C16orf46: variants seen among roughly 807,000 people sequenced by gnomAD.
C16orf46 encodes chromosome 16 open reading frame 46.
In C16orf46, 7 loss-of-function variants were observed where a neutral mutation model predicts 5.5. The observed-to-expected ratio is 1.28, with a 90% CI of 0.73 to 2.40. The LOEUF (loss-of-function observed/expected upper bound fraction) is 2.40, where lower values mean the gene tolerates loss of function less well. C16orf46 is among the 30% of genes most tolerant of loss of function. The pLI is 0.00. For missense variants in C16orf46, 614 were observed against 476.0 expected (o/e 1.29, Z -2.70); for synonymous variants, 200 against 184.1 (o/e 1.09, Z -0.70).
rs1162225117 is a variant in C16orf46, at chr16:81,063,749, C to T, written c.207G>A (p.Glu69=). The change falls in exon 3 of 4, where the codon GAG becomes GAA. Residue 69 remains glutamate (E), a synonymous_variant. Transcript: ENST00000299578. ...KEFIIGTGWE[E]AVQGWGRTSP... is the part of the protein sequence containing the mutation. The stretch of plus-strand genomic sequence containing the variant: ...TGTGACTCAGAAAGATACTCACTGC[C>T]TCTTCCCATCCAGTTCCAATAATAA... 5.0e-6 allele frequency: 8 copies of T among 1,611,078 alleles called. No individual in the cohort carries two copies. Among genetic ancestry groups the T allele is most frequent in the Non-Finnish European group, 5.9e-6 (7 of 1,177,610 alleles).
intron 3 of C16orf46, chr16:81,055,532 A>AT (rs1478893847): frequency 6.6e-6 from 1 of 151,400 alleles, no homozygotes; most frequent in African/African-American, 2.4e-5. Context: ...GTCTCTTCAA[A>AT]AAAAAAAAAA....
chr16:81,061,352 G>A lies in C16orf46; in HGVS notation c.997C>T (p.Gln333Ter). The change falls in exon 4 of 4, where the codon CAA (glutamine) becomes TAA (stop). Residue 333 changes from glutamine (Q) to a stop codon, truncating the protein, a stop_gained. Coordinates refer to ENST00000299578, the MANE Select transcript of C16orf46 (RefSeq NM_152337.3). LOFTEE classifies it low-confidence loss of function (END_TRUNC). ...GCTTTGAATTTGGATTTGTAGCTTT[G>A]CACTCCCCGTTTCTGCAGAAGCTGC... ...ALQLLQKRGV[Q>*]SYKSKFKAKE... The A allele has an allele frequency of 6.2e-7, 1 of 1,614,124 alleles. No individual in the cohort carries two copies. The highest frequency in any genetic ancestry group is 8.5e-7 in the Non-Finnish European group (1 of 1,180,020).
intron 1 of C16orf46, among the ~76,000 whole-genome samples, chr16:81,066,566 T>G (rs568590593): frequency 2.6e-5 from 4 of 152,204 alleles, no homozygotes; most frequent in African/African-American, 9.7e-5. Context: ...CGTTAGCAGA[T>G]GACACACAGT....
intron 1 of C16orf46, among the ~76,000 whole-genome samples, chr16:81,067,059 G>C (rs915972927): frequency 1.3e-5 from 2 of 152,042 alleles, no homozygotes; most frequent in African/African-American, 4.8e-5. Flanking sequence ...GTGCATGTTT[G>C]GATAAACAAG....
At chr16:81,070,334 G>C (rs1032856665) in intron 1 of C16orf46, among the ~76,000 whole-genome samples, 4 of 152,122 alleles carry the variant, frequency 2.6e-5, no homozygotes, top group African/African-American at 9.7e-5. Flanking sequence ...AACTAGAATA[G>C]CTGAAACATT....
At chr16:81,054,200 T>C (rs1165925966) in intron 3 of C16orf46, 5 of 1,052,346 alleles carry the variant, frequency 4.8e-6, no homozygotes, top group African/African-American at 1.6e-5. Context: ...TATTCAACCA[T>C]GAAGACTGCC....
chr16:81,072,972 G>A (rs558141125), intron 1 of C16orf46, among the ~76,000 whole-genome samples: 49 of 152,194 alleles, frequency 3.2e-4, no homozygotes, highest in African/African-American at 1.0e-3. Context: ...CAAAGTGCCC[G>A]GCCAATTATA....
chr16:81,054,076 T>C (rs1567569172), exon 4 of C16orf46: 1 of 1,612,662 alleles, frequency 6.2e-7, no homozygotes, highest in East Asian at 2.2e-5. Context: ...CTCTCCTACT[T>C]TATCTTCTTT....
At position 81,061,693 on chromosome 16, in the gene C16orf46, G is replaced by T; in HGVS notation, c.656C>A (p.Ser219Ter). Reference protein sequence around the residue: ...LVLPPLKASLSNALDVLGKKS... With the variant: ...LVLPPLKASL ...CTTACCCAGAACATCCAAAGCATTT[G>T]AAAGTGAAGCCTTCAGGGGAGGCAG... Residue 219 changes from serine to a stop codon, truncating the protein, a stop_gained, in exon 4 of 4, where the codon TCA becomes TAA. Coordinates refer to ENST00000299578, the MANE Select transcript of C16orf46 (RefSeq NM_152337.3). LOFTEE classifies it low-confidence loss of function (END_TRUNC). 6.2e-7 allele frequency: 1 copy of T among 1,614,154 alleles called. No individual in the cohort carries two copies. Among genetic ancestry groups the T allele is most frequent in the Non-Finnish European group, 8.5e-7 (1 of 1,180,042 alleles).
At chr16:81,062,519 G>T (rs114766516) in intron 3 of C16orf46, among the ~76,000 whole-genome samples, 4 of 152,152 alleles carry the variant, frequency 2.6e-5, no homozygotes, top group African/African-American at 9.7e-5. Flanking sequence ...ATTTAAATTT[G>T]AAGCCATTAA....
chr16:81,068,814 G>A (rs1195623426), intron 1 of C16orf46, among the ~76,000 whole-genome samples: 10 of 152,112 alleles, frequency 6.6e-5, no homozygotes, highest in African/African-American at 2.4e-4. Flanking sequence ...TGATTCTTGT[G>A]CCTCAGCCTC....
chr16:81,062,922 T>C (rs1184929112), intron 3 of C16orf46, among the ~76,000 whole-genome samples: 1 of 148,016 alleles, frequency 6.8e-6, no homozygotes, highest in Non-Finnish European at 1.5e-5. Context: ...AAATATAGGA[T>C]TCTATTGTTG....
intron 3 of C16orf46, 55 bp from the exon 4 acceptor site, chr16:81,062,193 C>T: frequency 1.4e-6 from 2 of 1,454,108 alleles, no homozygotes; most frequent in Non-Finnish European, 1.8e-6. Flanking sequence ...ACTGTCCTTG[C>T]CCCAATTTTG....
chr16:81,069,186 G>A (rs569894737), intron 1 of C16orf46, among the ~76,000 whole-genome samples: 1 of 152,104 alleles, frequency 6.6e-6, no homozygotes, highest in African/African-American at 2.4e-5. Flanking sequence ...GGCTGCAGTG[G>A]GTACACTTGA....
intron 1 of C16orf46, among the ~76,000 whole-genome samples, chr16:81,068,863 G>A (rs969727105): frequency 5.9e-5 from 9 of 151,606 alleles, no homozygotes; most frequent in Non-Finnish European, 1.2e-4. Context: ...CACCACGCCC[G>A]GCTAATTTTT....
chr16:81,065,149 C>T (rs1971614721), intron 2 of C16orf46, among the ~76,000 whole-genome samples: 1 of 152,148 alleles, frequency 6.6e-6, no homozygotes, highest in South Asian at 2.1e-4. Flanking sequence ...CGATGACTTA[C>T]TTTTCTGGGT....
intron 1 of C16orf46, 74 bp from the exon 2 acceptor site, chr16:81,066,355 A>T (rs1403772698): frequency 2.0e-5 from 3 of 151,790 alleles, no homozygotes; most frequent in Non-Finnish European, 4.4e-5. Context: ...CATACTATCA[A>T]GTTGTTGTCT....
rs143300204 is a variant in C16orf46, at chr16:81,066,755, C to G, written c.-127-474G>C. On this transcript the variant is annotated intron_variant, in intron 1 of 3. Coordinates refer to ENST00000299578, the MANE Select transcript of C16orf46 (RefSeq NM_152337.3). ...ACCAAGAGCTCATGCCATCCCATTT[C>G]TTGGCTTCCATTGAACTTTACAACC... 9.2e-5 allele frequency among the ~76,000 whole-genome samples: 14 copies of G among 152,336 alleles called. No individual in the cohort carries two copies. The East Asian group carries it at 2.7e-3, about 29-fold the overall frequency.
chr16:81,060,908 T>G, downstream of C16orf46: 1 of 1,134,954 alleles, frequency 8.8e-7, no homozygotes, highest in Non-Finnish European at 1.1e-6. Flanking sequence ...TGGCATTTTG[T>G]GAATGGCTAA....
Sources: gnomAD v4.1 joint callset for allele counts (sites outside exome capture counted in the v4.1 genomes callset) on GRCh38, gnomAD v4.1.1 for gene constraint, MANE v1.5 for transcripts, NCBI Gene and HGNC (gene_info 2026-07-23, HGNC 2026-07-21) for gene names.